The following PDE10A variants were observed in gnomAD, a reference collection of about 807,000 sequenced individuals.
PDE10A encodes the protein cAMP and cAMP-inhibited cGMP 3',5'-cyclic phosphodiesterase 10A.
A neutral mutation model predicts 97.7 loss-of-function variants in PDE10A; 39 were observed. The observed-to-expected ratio is 0.40, with a 90% CI of 0.31 to 0.52. The LOEUF (loss-of-function observed/expected upper bound fraction) is 0.52. PDE10A is among the 20% of genes least tolerant of loss of function. The pLI is 0.56. For missense variants in PDE10A, 731 were observed against 1,047.8 expected, an observed-to-expected ratio of 0.70 and a Z score of 4.17; for synonymous variants, 371 against 376.8, an observed-to-expected ratio of 0.98 and a Z score of 0.18.
At chr6:165,778,032 A>AT (rs138575054) in intron 1 of PDE10A, among the ~76,000 whole-genome samples, 14,112 of 149,518 alleles carry the variant, frequency 0.094, 1,993 homozygotes, top group African/African-American at 0.31. Context: ...AAAAGGCTAC[A>AT]TTTTTTTTTC....
At chr6:165,484,632 C>A (rs1779797325) in intron 2 of PDE10A, among the ~76,000 whole-genome samples, 5 of 152,098 alleles carry the variant, frequency 3.3e-5, no homozygotes, top group Admixed American at 6.5e-5. Flanking sequence ...ACAGAGACCA[C>A]AGGAAATTAA....
chr6:165,518,236 T>C (rs182795681), intron 2 of PDE10A, among the ~76,000 whole-genome samples: 1 of 152,278 alleles, frequency 6.6e-6, no homozygotes, highest in Non-Finnish European at 1.5e-5. Flanking sequence ...TGACCAAACA[T>C]GAGTAGGTAG....
chr6:165,459,536 GACAGACA>G, intron 3 of PDE10A, among the ~76,000 whole-genome samples: 1 of 124,978 alleles, frequency 8.0e-6, no homozygotes, highest in Non-Finnish European at 1.5e-5. Flanking sequence ...CAGACAGACA[GACAGACA>G]GACAGACAGA....
At chr6:165,547,630 C>A (rs1235235273) in intron 1 of PDE10A, among the ~76,000 whole-genome samples, 2 of 152,132 alleles carry the variant, frequency 1.3e-5, no homozygotes, top group Non-Finnish European at 2.9e-5. Flanking sequence ...AATTAACTTT[C>A]TTTTCTTGCT....
At chr6:165,588,124 G>T (rs2128381128) in intron 1 of PDE10A, among the ~76,000 whole-genome samples, 1 of 152,130 alleles carries the variant, frequency 6.6e-6, no homozygotes, top group South Asian at 2.1e-4. Context: ...AAAATGGTAT[G>T]TATAACTATA....
chr6:165,692,825 G>C (rs1488721405), intron 1 of PDE10A, among the ~76,000 whole-genome samples: 1 of 152,106 alleles, frequency 6.6e-6, no homozygotes, highest in East Asian at 1.9e-4. Context: ...TTACACTAGG[G>C]AATACATTAG....
At chr6:165,813,793 A>AG (rs1445055474) in intron 1 of PDE10A, among the ~76,000 whole-genome samples, 1 of 151,284 alleles carries the variant, frequency 6.6e-6, no homozygotes, top group Non-Finnish European at 1.5e-5. Context: ...ATCGCAGACA[A>AG]AAAAAAAAAT....
chr6:165,927,077 G>C (rs560172337), intron 1 of PDE10A, among the ~76,000 whole-genome samples: 4 of 151,852 alleles, frequency 2.6e-5, no homozygotes, highest in Admixed American at 1.3e-4. Context: ...GGGCCTGTTG[G>C]GGGGTGGGGG....
intron 1 of PDE10A, among the ~76,000 whole-genome samples, chr6:165,970,948 A>G (rs1252617338): frequency 1.3e-5 from 2 of 152,118 alleles, no homozygotes; most frequent in African/African-American, 4.8e-5. Flanking sequence ...GGAATTCGAG[A>G]CCCAGCCTGG....
intron 1 of PDE10A, among the ~76,000 whole-genome samples, chr6:165,679,805 A>G (rs1349519763): frequency 2.0e-5 from 3 of 152,142 alleles, no homozygotes; most frequent in African/African-American, 7.2e-5. Context: ...GAAGAGTGTG[A>G]AAAGTGGCAT....
rs192140979 is a variant in PDE10A, at chr6:165,567,948, C to T, written c.866-24380G>A. ...TAGTCTCTACTTACCTTTGTAACAT[C>T]TGCCCTAAGCCAAGTGCCCAGCACA... On this transcript the variant is annotated intron_variant, in intron 1 of 21. Transcript: ENST00000539869. Among the ~76,000 whole-genome samples the T allele has an allele frequency of 3.6e-3, 535 of 150,696 alleles. 4 individuals are homozygous for T. Among genetic ancestry groups the T allele is most frequent in the African/African-American group, 0.013 (515 of 41,172 alleles).
intron 1 of PDE10A, among the ~76,000 whole-genome samples, chr6:165,880,638 C>T (rs1435185052): frequency 6.6e-6 from 1 of 152,164 alleles, no homozygotes; most frequent in African/African-American, 2.4e-5. Context: ...TCATCTACTC[C>T]ATCCCCATGT....
chr6:165,735,534 G>T (rs1792554309), intron 1 of PDE10A, among the ~76,000 whole-genome samples: 1 of 152,086 alleles, frequency 6.6e-6, no homozygotes, highest in African/African-American at 2.4e-5. Context: ...GATTATGGAG[G>T]GTGGCAAGTT....
intron 1 of PDE10A, among the ~76,000 whole-genome samples, chr6:165,908,528 A>G (rs1782362132): frequency 6.6e-6 from 1 of 152,248 alleles, no homozygotes; most frequent in African/African-American, 2.4e-5. Flanking sequence ...CATACAATCC[A>G]GCACGGGGGC....
chr6:165,985,954 C>G (rs941565770), intron 1 of PDE10A, among the ~76,000 whole-genome samples: 11 of 151,196 alleles, frequency 7.3e-5, no homozygotes, highest in Non-Finnish European at 1.3e-4. Flanking sequence ...CACGTAAAAT[C>G]CCATCTGTGG....
intron 5 of PDE10A, among the ~76,000 whole-genome samples, chr6:165,448,378 C>T (rs989544291): frequency 2.6e-5 from 4 of 152,100 alleles, no homozygotes; most frequent in African/African-American, 4.8e-5. Flanking sequence ...AGACCAGAAA[C>T]GCAGGATCCG....
intron 1 of PDE10A, among the ~76,000 whole-genome samples, chr6:165,739,181 C>G (rs1250110144): frequency 6.6e-6 from 1 of 152,196 alleles, no homozygotes; most frequent in Non-Finnish European, 1.5e-5. Context: ...ATAGTCAAAG[C>G]AACCTTGATC....
At chr6:165,919,369 C>T (rs748817113) in intron 1 of PDE10A, among the ~76,000 whole-genome samples, 5 of 152,182 alleles carry the variant, frequency 3.3e-5, no homozygotes, top group Non-Finnish European at 5.9e-5. Context: ...GGCTGAGCTG[C>T]CCCAGGCCCA....
chr6:165,591,700 T>C (rs1228467044), intron 1 of PDE10A, among the ~76,000 whole-genome samples: 1 of 152,228 alleles, frequency 6.6e-6, no homozygotes, highest in Non-Finnish European at 1.5e-5. Context: ...TTTTTTGTTT[T>C]TTTAAGTTAA....
Sources: allele counts gnomAD v4.1 joint callset (sites outside exome capture counted in the v4.1 genomes callset), GRCh38; gene constraint gnomAD v4.1.1; transcripts MANE v1.5; gene names NCBI Gene and HGNC (gene_info 2026-07-23, HGNC 2026-07-21).